The following FUBP3 variants were observed in gnomAD, a reference collection of about 807,000 sequenced individuals.
FUBP3 encodes far upstream element-binding protein 3.
Under a neutral mutation model 85.6 loss-of-function variants are expected in FUBP3, and 28 were observed. The observed-to-expected ratio is 0.33, with a 90% confidence interval of 0.24 to 0.45. The LOEUF (loss-of-function observed/expected upper bound fraction) is 0.45, where lower values mean the gene tolerates loss of function less well. Ranked by LOEUF, FUBP3 falls within the 20% of genes least tolerant of loss-of-function variation. The pLI is 1.00. For synonymous variants in FUBP3, 271 were observed against 271.4 expected, an observed-to-expected ratio of 1.00 and a Z score of 0.01; for missense variants, 583 against 755.1, an observed-to-expected ratio of 0.77 and a Z score of 2.67.
chr9:130,620,569 C>T (rs1343501201), intron 9 of FUBP3, 111 bp downstream of exon 9: 13 of 532,012 alleles, frequency 2.4e-5, no homozygotes, highest in Non-Finnish European at 4.3e-5. Flanking sequence ...TGTCTCAAAA[C>T]CTTAAGAATT....
chr9:130,588,405 C>G (rs894295561), intron 1 of FUBP3, among the ~76,000 whole-genome samples: 21 of 152,106 alleles, frequency 1.4e-4, no homozygotes, highest in Admixed American at 1.2e-3. Context: ...AGGCAGACTT[C>G]TGGGGTCCTG....
intron 9 of FUBP3, among the ~76,000 whole-genome samples, 166 bp from the exon 10 acceptor site, chr9:130,622,542 A>G (rs139308091): frequency 0.03 from 4,493 of 151,238 alleles, 117 homozygotes; most frequent in South Asian, 0.09. Flanking sequence ...GAGGTGGGAG[A>G]ATCATTGGAA....
chr9:130,632,217 T>G lies in FUBP3; in HGVS notation c.1449T>G (p.Phe483Leu), dbSNP rs747434057. The change falls in exon 16 of 19, where the codon TTT becomes TTG. Residue 483 changes from phenylalanine (F) to leucine (L), a missense_variant. Coordinates refer to ENST00000319725, the MANE Select transcript of FUBP3 (RefSeq NM_003934.2). ...TTATCCACAGTGGTCCTCCGGCCTT[T>G]CTGACCCAGGGCTGGGGCAGCACCT... Reference protein sequence around the residue: ...HSTPVSGPPAFLTQGWGSTYQ... With the variant: ...HSTPVSGPPALLTQGWGSTYQ... 6.2e-7 allele frequency: 1 copy of G among 1,613,988 alleles called. No homozygotes were observed. The highest frequency in any genetic ancestry group is 8.5e-7 in the Non-Finnish European group (1 of 1,179,868).
chr9:130,636,162 T>TAGCCCCGAGCCCCTGCTCCCA, intron 18 of FUBP3, 36 bp downstream of exon 18: 4 of 1,603,184 alleles, frequency 2.5e-6, no homozygotes, highest in Non-Finnish European at 3.4e-6. Context: ...TGCCACTCCC[T>TAGCCCCGAGCCCCTGCTCCCA]AGCCCCGAGC....
In FUBP3 at chr9:130,620,353, G is replaced by A; in HGVS notation, c.667-1G>A. On this transcript the variant is annotated splice_acceptor_variant, in intron 8 of 18. Coordinates refer to ENST00000319725, the MANE Select transcript of FUBP3 (RefSeq NM_003934.2). LOFTEE classifies it high-confidence loss of function. ...AATGCTTTTTGTTTGTGTTTATGCA[G>A]CAAGCAAGAGAAATGGTACTAGAGA... The A allele has an allele frequency of 6.5e-7, 1 of 1,543,930 alleles. No homozygotes were observed. The highest frequency in any genetic ancestry group is 8.8e-7 in the Non-Finnish European group (1 of 1,133,386).
chr9:130,610,493 C>G (rs1831685099), intron 3 of FUBP3, among the ~76,000 whole-genome samples: 1 of 152,162 alleles, frequency 6.6e-6, no homozygotes, highest in Non-Finnish European at 1.5e-5. Context: ...GAGCCTCAGC[C>G]CAGCTAATTC....
In FUBP3 at chr9:130,616,560, A is replaced by C. The variant is rs1421469363; in HGVS notation, c.567+43A>C. The C allele has an allele frequency of 6.3e-7, 1 of 1,593,544 alleles. No homozygotes were observed. Among genetic ancestry groups the C allele is most frequent in the Non-Finnish European group, 8.6e-7 (1 of 1,162,630 alleles). ...ACGGAGCACAGCGGCCGCTCGCAGCAGGTCTTCAGCTTCCTGGCCCAGGAG... is the reference window on the plus strand; with the variant it reads ...ACGGAGCACAGCGGCCGCTCGCAGCCGGTCTTCAGCTTCCTGGCCCAGGAG... On this transcript the variant is annotated intron_variant, in intron 7 of 18. Transcript: ENST00000319725. This position sits in a 1 kb window ranked among gnomAD's most constrained non-coding sequence, Gnocchi z 4.7.
rs1048316668 is a variant in FUBP3 at position 130,637,104 on chromosome 9, A to G, written c.*82A>G. On this transcript the variant is annotated 3_prime_UTR_variant, in exon 19 of 19. Transcript: ENST00000319725. ...TGTAACAGAGGTTTTTACATTTGCA[A>G]ACCTTTTGATGAAGAACTGTTGTTT... 77 of 1,114,738 alleles carry G rather than the reference A, an allele frequency of 6.9e-5. No homozygotes were observed. The highest frequency in any genetic ancestry group is 1.2e-4 in the Admixed American group (7 of 59,276). 69.1% of individuals were successfully genotyped at this position (1,114,738 alleles called of 1,614,324 possible).
Position 130,602,234 on chromosome 9 carries a change from A to G in FUBP3, c.190+6646A>G, listed in dbSNP as rs1031511105. 1.1e-4 allele frequency among the ~76,000 whole-genome samples: 17 copies of G among 152,080 alleles called. 1 individual carries two copies. The highest frequency in any genetic ancestry group is 4.1e-4 in the African/African-American group (17 of 41,422). The stretch of plus-strand genomic sequence containing the variant: ...GTACTCTCCATGGCTTCAGCCACCT[A>G]CCAGGGGTCTTGGAACATATCCCTC... On this transcript the variant is annotated intron_variant, in intron 2 of 18. Transcript: ENST00000319725.
chr9:130,620,517 A>T, intron 9 of FUBP3, 59 bp downstream of exon 9: 1 of 816,370 alleles, frequency 1.2e-6, no homozygotes, highest in Non-Finnish European at 2.0e-6. Context: ...TGTAGGTCAC[A>T]CTTTTGTTAG....
chr9:130,579,652 C>T lies in FUBP3; in HGVS notation c.-29C>T. 3 of 1,210,564 alleles carry T rather than the reference C, an allele frequency of 2.5e-6. No individual in the cohort carries two copies. The highest frequency in any genetic ancestry group is 6.3e-5 in the East Asian group (2 of 31,502). 75.0% of individuals were successfully genotyped at this position (1,210,564 alleles called of 1,614,324 possible). On this transcript the variant is annotated 5_prime_UTR_variant, in exon 1 of 19. Transcript: ENST00000319725. ...CGAGCGGCGGCGTCGGCGGCGTCGG[C>T]GGCGGCGGCGACGGCGGCGGGGGCG...
rs1831883909 is a variant in FUBP3, at chr9:130,614,139, G to A, written c.347-149G>A. ...GGTGGAGCTACCAGCTTAATATTCTGTCCACAAGTGGAAGCAAACTGTCTT... is the reference window on the plus strand; with the variant it reads ...GGTGGAGCTACCAGCTTAATATTCTATCCACAAGTGGAAGCAAACTGTCTT... On this transcript the variant is annotated intron_variant, in intron 5 of 18. Coordinates refer to ENST00000319725, the MANE Select transcript of FUBP3 (RefSeq NM_003934.2). 1.4e-5 allele frequency: 8 copies of A among 563,326 alleles called. No homozygotes were observed. In the East Asian group the frequency reaches 2.2e-4, roughly 15 times the overall value. 34.9% of individuals were successfully genotyped at this position (563,326 alleles called of 1,614,324 possible).
chr9:130,607,556 A>G (rs922979568), intron 2 of FUBP3, among the ~76,000 whole-genome samples: 3 of 152,056 alleles, frequency 2.0e-5, no homozygotes, highest in South Asian at 2.1e-4. Context: ...GTTCCATTCA[A>G]TTGAATATGA....
chr9:130,589,707 T>TA (rs1564191128), intron 1 of FUBP3, among the ~76,000 whole-genome samples: 126 of 55,038 alleles, frequency 2.3e-3, no homozygotes, highest in South Asian at 0.014. Context: ...ATATATATAT[T>TA]TTTTTTTTTT....
intron 2 of FUBP3, among the ~76,000 whole-genome samples, chr9:130,599,178 G>A (rs968319284): frequency 6.6e-5 from 10 of 152,238 alleles, no homozygotes; most frequent in African/African-American, 2.2e-4. Flanking sequence ...TGTAGTCCCA[G>A]CTGCTTGGGA....
At chr9:130,628,060 TCA>T (rs1830051532) in intron 12 of FUBP3, among the ~76,000 whole-genome samples, 1 of 151,546 alleles carries the variant, frequency 6.6e-6, no homozygotes, top group Non-Finnish European at 1.5e-5. Context: ...TCTTTCTATG[TCA>T]CACACACACC....
At position 130,635,640 on chromosome 9, in the gene FUBP3, C is replaced by T. The variant is rs1026309753; in HGVS notation, c.1583-359C>T. Among the ~76,000 whole-genome samples the T allele has an allele frequency of 2.6e-5, 4 of 152,192 alleles. No homozygotes were observed. Among genetic ancestry groups the T allele is most frequent in the Admixed American group, 2.6e-4 (4 of 15,284 alleles). On this transcript the variant is annotated intron_variant, in intron 17 of 18. Coordinates refer to ENST00000319725, the MANE Select transcript of FUBP3 (RefSeq NM_003934.2). The surrounding 1 kb of genome is among the most constrained non-coding windows in gnomAD (Gnocchi z 4.3). ...CACAGGATTTGGACACTATCACAGG[C>T]ACCCAAGTTAGGTACTCCCCTTCTC...
At chr9:130,617,073 C>T (rs1236616637) in intron 7 of FUBP3, among the ~76,000 whole-genome samples, 1 of 152,178 alleles carries the variant, frequency 6.6e-6, no homozygotes, top group Non-Finnish European at 1.5e-5. Flanking sequence ...ATCTGAGACT[C>T]TCGGGACCAA....
Position 130,612,579 on chromosome 9 carries a change from T to A in FUBP3, c.274+74T>A, listed in dbSNP as rs1831800436. 1.1e-6 allele frequency: 1 copy of A among 936,094 alleles called. No individual in the cohort carries two copies. The highest frequency in any genetic ancestry group is 1.4e-5 in the South Asian group (1 of 73,244). 58.0% of individuals were successfully genotyped at this position (936,094 alleles called of 1,614,324 possible). A position where few individuals can be genotyped will look rare whatever the true frequency, so the allele number is the denominator to read the frequency against. On this transcript the variant is annotated intron_variant, in intron 4 of 18. Coordinates refer to ENST00000319725, the MANE Select transcript of FUBP3 (RefSeq NM_003934.2). The surrounding 1 kb of genome is among the most constrained non-coding windows in gnomAD (Gnocchi z 4.1). ...TTCTCTCTTTTTTTCTGAGCTGCTT[T>A]GCCAGGATGTTCTTTTTGTTTTAAT...
Sources: allele counts gnomAD v4.1 joint callset (sites outside exome capture counted in the v4.1 genomes callset), GRCh38; gene constraint gnomAD v4.1.1; non-coding constraint Gnocchi (gnomAD v3.1); transcripts MANE v1.5; gene names NCBI Gene and HGNC (gene_info 2026-07-23, HGNC 2026-07-21).